Variants in PGBD5 observed in about 807,000 individuals in gnomAD.
The protein encoded by PGBD5 is piggyBac transposable element-derived protein 5.
In PGBD5, 14 loss-of-function variants were observed where a neutral mutation model predicts 47.9. The ratio of observed to expected loss-of-function variants is 0.29; its 90% CI spans 0.19 to 0.46. The LOEUF is 0.46. Among genes scored for constraint, PGBD5 ranks in the 20% least tolerant of loss-of-function variants. The pLI, the probability that PGBD5 is intolerant of heterozygous loss-of-function variation, is 1.00. For synonymous variants in PGBD5, 316 were observed against 306.3 expected, an observed-to-expected ratio of 1.03 and a Z score of -0.33; for missense variants, 635 against 716.0, an observed-to-expected ratio of 0.89 and a Z score of 1.29.
intron 1 of PGBD5, among the ~76,000 whole-genome samples, chr1:230,420,745 A>G (rs1657628526): frequency 6.6e-6 from 1 of 152,232 alleles, no homozygotes; most frequent in Non-Finnish European, 1.5e-5. Context: ...TTTCTTTTAT[A>G]AATTGCCCAG....
chr1:230,415,135 G>A (rs1244196730), intron 1 of PGBD5, among the ~76,000 whole-genome samples: 1 of 152,098 alleles, frequency 6.6e-6, no homozygotes, highest in Admixed American at 6.5e-5. Flanking sequence ...GGGCATGGTG[G>A]CGCCTATCTG....
At chr1:230,350,935 C>T (rs1377769343) in intron 3 of PGBD5, 23 bp downstream of exon 3, 2 of 1,611,532 alleles carry the variant, frequency 1.2e-6, no homozygotes, top group Non-Finnish European at 1.7e-6. Context: ...ACCGACCCTC[C>T]CCGGGCTCAG....
intron 2 of PGBD5, among the ~76,000 whole-genome samples, chr1:230,352,721 C>G (rs1313567059): frequency 6.6e-6 from 1 of 152,166 alleles, no homozygotes; most frequent in Non-Finnish European, 1.5e-5. Context: ...GCTTCTTGCA[C>G]TCGCTGGCTC....
intron 2 of PGBD5, among the ~76,000 whole-genome samples, chr1:230,352,966 T>C (rs1667580769): frequency 6.6e-6 from 1 of 152,194 alleles, no homozygotes; most frequent in Non-Finnish European, 1.5e-5. Flanking sequence ...AGAAAGAAAG[T>C]GCACCTCTAT....
At position 230,392,513 on chromosome 1, in the gene PGBD5, T is replaced by C. The variant is rs573121209; in HGVS notation, c.331+33085A>G. ...TGAGTTATAAAGCACCCGAGCTTTG[T>C]TATTTTATCTCCGGCTCGCAGGAGC... On this transcript the variant is annotated intron_variant, in intron 1 of 6. Transcript: ENST00000391860. Among the ~76,000 whole-genome samples, 3 of 152,336 alleles carry C rather than the reference T, an allele frequency of 2.0e-5. No individual in the cohort carries two copies. In the East Asian group the frequency reaches 5.8e-4, roughly 29 times the overall value.
chr1:230,357,805 T>C lies in PGBD5; in HGVS notation c.332-484A>G, dbSNP rs1338268492. Among the ~76,000 whole-genome samples, 1 of 152,186 alleles carries C rather than the reference T, an allele frequency of 6.6e-6. No individual in the cohort carries two copies. Among genetic ancestry groups the C allele is most frequent in the Non-Finnish European group, 1.5e-5 (1 of 68,048 alleles). ...ATAAATGTATATGTTTAAATATATATATCATATAAATGTATACATCAACAT... is the reference window on the plus strand; with the variant it reads ...ATAAATGTATATGTTTAAATATATACATCATATAAATGTATACATCAACAT... On this transcript the variant is annotated intron_variant, in intron 1 of 6. Transcript: ENST00000391860. The surrounding 1 kb of genome is among the most constrained non-coding windows in gnomAD (Gnocchi z 5.7).
intron 3 of PGBD5, among the ~76,000 whole-genome samples, chr1:230,342,899 C>A (rs1272065813): frequency 6.6e-6 from 1 of 152,198 alleles, no homozygotes; most frequent in East Asian, 1.9e-4. Flanking sequence ...TTCAGGCCCG[C>A]AGCCACACTG....
At chr1:230,393,897 G>A (rs902312207) in intron 1 of PGBD5, among the ~76,000 whole-genome samples, 2 of 150,904 alleles carry the variant, frequency 1.3e-5, no homozygotes, top group East Asian at 1.9e-4. Flanking sequence ...ATGTGGCTTC[G>A]CAAGGCTCTC....
At chr1:230,391,694 C>T (rs541846972) in intron 1 of PGBD5, among the ~76,000 whole-genome samples, 24 of 152,330 alleles carry the variant, frequency 1.6e-4, no homozygotes, top group Non-Finnish European at 3.2e-4. Flanking sequence ...TAAAACACAG[C>T]TCCTACTGTA....
chr1:230,358,378 G>A (rs1667690872), intron 1 of PGBD5, among the ~76,000 whole-genome samples: 1 of 152,132 alleles, frequency 6.6e-6, no homozygotes, highest in African/African-American at 2.4e-5. Flanking sequence ...GGTAAGTTGA[G>A]GCGGTTTTGT....
chr1:230,360,243 T>C (rs1333727055), intron 1 of PGBD5, among the ~76,000 whole-genome samples: 3 of 152,196 alleles, frequency 2.0e-5, no homozygotes, highest in Non-Finnish European at 4.4e-5. Flanking sequence ...ATGAAGGAAC[T>C]GGGAAGCAGC....
In PGBD5 at chr1:230,321,668, T is replaced by C. The variant is rs1667033490; in HGVS notation, c.*1757A>G. 6.6e-6 allele frequency: 1 copy of C among 152,626 alleles called. No homozygotes were observed. Among genetic ancestry groups the C allele is most frequent in the African/African-American group, 2.4e-5 (1 of 41,476 alleles). 9.5% of individuals were successfully genotyped at this position (152,626 alleles called of 1,614,324 possible). ...GAATCAACATCTAAATAGACTTTTA[T>C]TTTTATTTTACTTGTTTGGACAGAA... is the stretch of plus-strand genomic sequence containing the variant. On this transcript the variant is annotated 3_prime_UTR_variant, in exon 7 of 7. Transcript: ENST00000391860.
chr1:230,386,286 T>C (rs1266436432), intron 1 of PGBD5, among the ~76,000 whole-genome samples: 1 of 150,402 alleles, frequency 6.6e-6, no homozygotes, highest in Non-Finnish European at 1.5e-5. Context: ...GCCACTGCAC[T>C]CCAGCCAGGG....
intron 1 of PGBD5, among the ~76,000 whole-genome samples, chr1:230,399,307 A>G (rs1370914024): frequency 6.6e-6 from 1 of 152,168 alleles, no homozygotes; most frequent in Admixed American, 6.5e-5. Context: ...GCTTCATGAG[A>G]ACAGTCCCCC....
chr1:230,391,970 G>A (rs1052340061), intron 1 of PGBD5, among the ~76,000 whole-genome samples: 3 of 152,178 alleles, frequency 2.0e-5, no homozygotes, highest in Non-Finnish European at 4.4e-5. Flanking sequence ...CCTGCTGGGC[G>A]TTTGCTCATT....
intron 1 of PGBD5, among the ~76,000 whole-genome samples, chr1:230,371,504 G>A (rs1034382060): frequency 6.6e-6 from 1 of 152,164 alleles, no homozygotes; most frequent in Non-Finnish European, 1.5e-5. Flanking sequence ...CTTGGCTCCT[G>A]GACACAAGCA....
chr1:230,343,010 A>G (rs4489565), intron 3 of PGBD5, among the ~76,000 whole-genome samples: 138,036 of 152,230 alleles, frequency 0.91, 64,116 homozygotes, highest in East Asian at 1. Context: ...CTGCTGGACA[A>G]TGCTGCTTGT....
At chr1:230,366,368 GT>G (rs10710784) in intron 1 of PGBD5, among the ~76,000 whole-genome samples, 96,107 of 151,472 alleles carry the variant, frequency 0.63, 31,792 homozygotes, top group Non-Finnish European at 0.74. Context: ...TCCTGTTCCT[GT>G]TTTTTTTTCC....
At chr1:230,366,909 G>C (rs1204278080) in intron 1 of PGBD5, among the ~76,000 whole-genome samples, 1 of 152,140 alleles carries the variant, frequency 6.6e-6, no homozygotes, top group African/African-American at 2.4e-5. Flanking sequence ...TTTAGGCACT[G>C]TGTCTACTTC....
Sources: gnomAD v4.1 joint callset for allele counts (sites outside exome capture counted in the v4.1 genomes callset) on GRCh38, gnomAD v4.1.1 for gene constraint, Gnocchi (gnomAD v3.1) non-coding constraint, MANE v1.5 for transcripts, NCBI Gene and HGNC (gene_info 2026-07-23, HGNC 2026-07-21) for gene names.